Variants in SCAMP2 observed in about 807,000 individuals in gnomAD.
SCAMP2 encodes the protein secretory carrier-associated membrane protein 2.
A neutral mutation model predicts 44.1 loss-of-function variants in SCAMP2; 25 were observed. That is an observed-to-expected ratio of 0.57 (90% CI 0.41 to 0.79). The LOEUF is 0.79. SCAMP2 is among the 30% of genes least tolerant of loss of function. The probability of loss-of-function intolerance (pLI) is 0.00; values close to 1 mark genes in which losing one functional copy is unlikely to be tolerated. For missense variants in SCAMP2, 355 were observed against 411.0 expected (o/e 0.86, Z 1.18); for synonymous variants, 156 against 166.0 (o/e 0.94, Z 0.46).
At chr15:74,849,486 G>A (rs1035967659) in intron 6 of SCAMP2, among the ~76,000 whole-genome samples, 1 of 151,800 alleles carries the variant, frequency 6.6e-6, no homozygotes, top group Non-Finnish European at 1.5e-5. Flanking sequence ...GTTCACACTC[G>A]TAATCCCAGC....
chr15:74,851,047 G>C (rs1034497059), intron 5 of SCAMP2, among the ~76,000 whole-genome samples: 1 of 152,206 alleles, frequency 6.6e-6, no homozygotes, highest in Non-Finnish European at 1.5e-5. Context: ...AGAGTTCACA[G>C]GCCTGTGGGC....
chr15:74,860,480 G>T (rs1377879063), intron 1 of SCAMP2, among the ~76,000 whole-genome samples: 1 of 151,872 alleles, frequency 6.6e-6, no homozygotes. Flanking sequence ...CCTGAGGTCA[G>T]GAGTTTGAGA....
At position 74,845,075 on chromosome 15, in the gene SCAMP2, G is replaced by A. The variant is rs1207991077; in HGVS notation, c.*8C>T. ...GAGAAAGGCTGAGGGGGAGAGAAGAGAGGAGGACTAATTCCCCTGGAAGGC... is the reference window on the plus strand; with the variant it reads ...GAGAAAGGCTGAGGGGGAGAGAAGAAAGGAGGACTAATTCCCCTGGAAGGC... On this transcript the variant is annotated 3_prime_UTR_variant, in exon 9 of 9. Transcript: ENST00000268099. 6.2e-7 allele frequency: 1 copy of A among 1,612,144 alleles called. No individual in the cohort carries two copies. The highest frequency in any genetic ancestry group is 1.1e-5 in the South Asian group (1 of 90,966).
intron 1 of SCAMP2, among the ~76,000 whole-genome samples, chr15:74,862,675 T>A (rs1209850396): frequency 6.6e-6 from 1 of 150,606 alleles, no homozygotes; most frequent in Non-Finnish European, 1.5e-5. Context: ...GGTCATGTTA[T>A]TTTGATTTTA....
At chr15:74,873,112 A>C in intron 1 of SCAMP2, 87 bp downstream of exon 1, 1 of 1,200,268 alleles carries the variant, frequency 8.3e-7, no homozygotes, top group South Asian at 1.9e-5. Context: ...CTCCTACGCC[A>C]CGTCTCCCGG....
intron 7 of SCAMP2, chr15:74,848,372 G>A (rs746547083): frequency 4.9e-6 from 2 of 409,608 alleles, no homozygotes; most frequent in Non-Finnish European, 8.7e-6. Flanking sequence ...CTGACCAATA[G>A]TGAGTGTCTT....
chr15:74,852,201 G>A lies in SCAMP2; in HGVS notation c.226-15C>T, dbSNP rs147882758. 1.4e-6 allele frequency: 2 copies of A among 1,471,344 alleles called. No individual in the cohort carries two copies. Among genetic ancestry groups the A allele is most frequent in the East Asian group, 2.6e-5 (1 of 38,582 alleles). 91.1% of individuals were successfully genotyped at this position (1,471,344 alleles called of 1,614,324 possible). A position where few individuals can be genotyped will look rare whatever the true frequency, so the allele number is the denominator to read the frequency against. ...GACACCACGGCCTGGAGAGAACAGGGGAGGTACAGGGACAGCCAGACACAA... is the reference window on the plus strand; with the variant it reads ...GACACCACGGCCTGGAGAGAACAGGAGAGGTACAGGGACAGCCAGACACAA... On this transcript the variant is annotated splice_polypyrimidine_tract_variant and intron_variant, in intron 3 of 8. Coordinates refer to ENST00000268099, the MANE Select transcript of SCAMP2 (RefSeq NM_005697.5).
chr15:74,865,592 G>A (rs558579162), intron 1 of SCAMP2, among the ~76,000 whole-genome samples: 85 of 151,732 alleles, frequency 5.6e-4, no homozygotes, highest in African/African-American at 1.8e-3. Context: ...ATAGTGGTCT[G>A]AGCTCAGGAG....
At chr15:74,862,302 T>G (rs1173307203) in intron 1 of SCAMP2, among the ~76,000 whole-genome samples, 5 of 104,236 alleles carry the variant, frequency 4.8e-5, no homozygotes, top group Admixed American at 2.5e-4. Context: ...CCTGGCCAGG[T>G]GCAATGGCTC....
At chr15:74,866,807 T>C (rs1567255723) in intron 1 of SCAMP2, among the ~76,000 whole-genome samples, 1 of 150,688 alleles carries the variant, frequency 6.6e-6, no homozygotes, top group Non-Finnish European at 1.5e-5. Context: ...TCTTTTTTTT[T>C]TTTTTTTGAG....
intron 1 of SCAMP2, among the ~76,000 whole-genome samples, chr15:74,861,639 C>T (rs1338722943): frequency 1.3e-5 from 2 of 152,172 alleles, no homozygotes; most frequent in African/African-American, 2.4e-5. Flanking sequence ...TGGCTCACGC[C>T]TATAATCGCA....
intron 1 of SCAMP2, among the ~76,000 whole-genome samples, chr15:74,861,369 T>C (rs1209815388): frequency 1.3e-5 from 2 of 152,126 alleles, no homozygotes; most frequent in African/African-American, 2.4e-5. Flanking sequence ...AGAGCCACAA[T>C]TGACCTTGGT....
intron 1 of SCAMP2, among the ~76,000 whole-genome samples, chr15:74,870,129 T>TC (rs1458875346): frequency 6.6e-6 from 1 of 152,144 alleles, no homozygotes; most frequent in Middle Eastern, 3.2e-3. Context: ...CACCCAGGAC[T>TC]CCCCACCAGA....
chr15:74,855,521 A>T (rs2064463219), intron 1 of SCAMP2, among the ~76,000 whole-genome samples: 1 of 151,946 alleles, frequency 6.6e-6, no homozygotes, highest in Non-Finnish European at 1.5e-5. Context: ...GCTCAAGACC[A>T]GCCTGACCAA....
intron 1 of SCAMP2, among the ~76,000 whole-genome samples, chr15:74,855,633 T>C (rs2064463885): frequency 6.7e-6 from 1 of 150,276 alleles, no homozygotes; most frequent in Non-Finnish European, 1.5e-5. Flanking sequence ...GGAGAATCAC[T>C]TGAACCCGGG....
chr15:74,849,854 C>A (rs2064423820), intron 6 of SCAMP2, among the ~76,000 whole-genome samples: 1 of 152,122 alleles, frequency 6.6e-6, no homozygotes, highest in Admixed American at 6.5e-5. Flanking sequence ...CAGGGGACAC[C>A]AGACAAAACT....
intron 1 of SCAMP2, among the ~76,000 whole-genome samples, chr15:74,860,509 C>CA (rs2064496404): frequency 6.6e-6 from 1 of 151,110 alleles, no homozygotes; most frequent in Non-Finnish European, 1.5e-5. Flanking sequence ...GCCAAGATGG[C>CA]AAAACCCCAT....
chr15:74,862,511 G>A (rs2064513789), intron 1 of SCAMP2, among the ~76,000 whole-genome samples: 3 of 151,456 alleles, frequency 2.0e-5, no homozygotes, highest in African/African-American at 7.3e-5. Flanking sequence ...AGGAGGCAGA[G>A]GCTGCAGTGA....
intron 1 of SCAMP2, among the ~76,000 whole-genome samples, chr15:74,864,323 A>G (rs1450983592): frequency 2.0e-5 from 3 of 152,180 alleles, no homozygotes; most frequent in Non-Finnish European, 4.4e-5. Flanking sequence ...GGCCTCCCAA[A>G]GTGCTGGGAT....
Sources: gnomAD v4.1 joint callset for allele counts (sites outside exome capture counted in the v4.1 genomes callset) on GRCh38, gnomAD v4.1.1 for gene constraint, MANE v1.5 for transcripts, NCBI Gene and HGNC (gene_info 2026-07-23, HGNC 2026-07-21) for gene names.